GALNT16: variants seen among roughly 807,000 people sequenced by gnomAD.
GALNT16 encodes UDP-GalNAc:polypeptide N-acetylgalactosaminyltransferase-like protein 1.
In GALNT16, 40 loss-of-function variants were observed where a neutral mutation model predicts 76.1. The observed-to-expected ratio is 0.53, with a 90% CI of 0.41 to 0.68. GALNT16 has a LOEUF of 0.68. GALNT16 is among the 30% of genes least tolerant of loss of function. GALNT16 has a pLI of 0.00. For missense variants in GALNT16, 621 were observed against 731.9 expected, an observed-to-expected ratio of 0.85 and a Z score of 1.75; for synonymous variants, 276 against 285.2, an observed-to-expected ratio of 0.97 and a Z score of 0.32.
At chr14:69,286,217 C>T (rs1200254061) in intron 1 of GALNT16, among the ~76,000 whole-genome samples, 1 of 151,834 alleles carries the variant, frequency 6.6e-6, no homozygotes, top group Non-Finnish European at 1.5e-5. Flanking sequence ...GATGAGGGAA[C>T]TTTCTGGAAT....
At chr14:69,260,503 G>T (rs1282496496) in intron 1 of GALNT16, 36 bp downstream of exon 1, 1 of 1,320,138 alleles carries the variant, frequency 7.6e-7, no homozygotes, top group Non-Finnish European at 9.6e-7. Context: ...GCCGGCTAGG[G>T]AGCCGCGGCG....
rs994119634 is a variant in GALNT16, at chr14:69,353,086, C to A, written c.*918C>A. Among the ~76,000 whole-genome samples, 3 of 152,180 alleles carry A rather than the reference C, an allele frequency of 2.0e-5. No individual in the cohort carries two copies. The highest frequency in any genetic ancestry group is 7.2e-5 in the African/African-American group (3 of 41,442). The stretch of plus-strand genomic sequence containing the variant: ...CTGCCGCCAGGACCCACTGAAAGGA[C>A]GGGTAGCCACACACATCCCTGAGTA... On this transcript the variant is annotated 3_prime_UTR_variant, in exon 15 of 15. Coordinates refer to ENST00000448469, the MANE Select transcript of GALNT16 (RefSeq NM_001168368.2).
intron 2 of GALNT16, among the ~76,000 whole-genome samples, chr14:69,322,333 A>T (rs1594849608): frequency 2.0e-5 from 3 of 152,096 alleles, no homozygotes; most frequent in Non-Finnish European, 4.4e-5. Flanking sequence ...CCACTTAGAG[A>T]CCTTTCATGG....
intron 1 of GALNT16, among the ~76,000 whole-genome samples, chr14:69,266,729 T>C (rs557851005): frequency 6.6e-6 from 1 of 152,148 alleles, no homozygotes; most frequent in South Asian, 2.1e-4. Context: ...GAAAAAAGAC[T>C]CTCTGTCATG....
In GALNT16 at chr14:69,338,735, A is replaced by T; in HGVS notation, c.1052A>T (p.His351Leu). The change falls in exon 10 of 15, where the codon CAC (histidine) becomes CTC (leucine). Residue 351 changes from histidine (H) to leucine (L), a missense_variant. His to Leu is a moderately conservative substitution (Grantham distance 99). Coordinates refer to ENST00000448469, the MANE Select transcript of GALNT16 (RefSeq NM_001168368.2). ...SRVGHVFRKR[H>L]PYNFPEGNAL... ...GTGGGCCATGTCTTCAGGAAACGGC[A>T]CCCCTACAACTTCCCTGAGGGTAAT... 1 of 1,613,560 alleles carries T rather than the reference A, an allele frequency of 6.2e-7. No homozygotes were observed.
At chr14:69,375,503 A>G in the GALNT16 span, among the ~76,000 whole-genome samples, 1 of 152,192 alleles carries the variant, frequency 6.6e-6, no homozygotes, top group Non-Finnish European at 1.5e-5. Flanking sequence ...AAGCCTCCAC[A>G]ACAAAAGCCT....
rs12100911 is a variant in GALNT16 at position 69,328,451 on chromosome 14, G to T, written c.570G>T (p.Gly190=). The T allele has an allele frequency of 1.1e-5, 17 of 1,613,914 alleles. No individual in the cohort carries two copies. The highest frequency in any genetic ancestry group is 1.4e-5 in the Non-Finnish European group (16 of 1,179,902). ...VKCLRNDRRE[G]LIRSRVRGAD... is the part of the protein sequence containing the mutation. The stretch of plus-strand genomic sequence containing the variant: ...AAGCCCTATCTACTCCTCTTGTAGG[G>T]CTGATCCGGTCCCGAGTGCGTGGGG... Residue 190 remains glycine, a splice_region_variant and synonymous_variant, in exon 6 of 15, where the codon GGG becomes GGT. Coordinates refer to ENST00000448469, the MANE Select transcript of GALNT16 (RefSeq NM_001168368.2).
the GALNT16 span, among the ~76,000 whole-genome samples, chr14:69,385,760 A>G: frequency 6.6e-6 from 1 of 152,066 alleles, no homozygotes; most frequent in Non-Finnish European, 1.5e-5. Flanking sequence ...CTCTACCACA[A>G]CCGTTCTGGA....
At chr14:69,286,708 A>G (rs995314404) in intron 1 of GALNT16, among the ~76,000 whole-genome samples, 1 of 152,202 alleles carries the variant, frequency 6.6e-6, no homozygotes, top group African/African-American at 2.4e-5. Context: ...CTTCCTTTGA[A>G]GTGCACCAAA....
chr14:69,347,312 C>G, intron 13 of GALNT16, 131 bp downstream of exon 13: 1 of 820,086 alleles, frequency 1.2e-6, no homozygotes, highest in South Asian at 1.9e-5. Flanking sequence ...GCCAGGGGCC[C>G]CTAGACCCTG....
intron 1 of GALNT16, among the ~76,000 whole-genome samples, chr14:69,305,460 G>A (rs962493522): frequency 6.6e-6 from 1 of 152,234 alleles, no homozygotes; most frequent in Admixed American, 6.5e-5. Flanking sequence ...ACTGCGCCTA[G>A]CCCTGACAAG....
chr14:69,263,575 G>A (rs2044303634), intron 1 of GALNT16, among the ~76,000 whole-genome samples: 2 of 152,226 alleles, frequency 1.3e-5, no homozygotes, highest in Non-Finnish European at 2.9e-5. Flanking sequence ...GCTGGGAAAG[G>A]GAGGGTCTGC....
At chr14:69,379,045 C>G in the GALNT16 span, among the ~76,000 whole-genome samples, 1 of 152,078 alleles carries the variant, frequency 6.6e-6, no homozygotes, top group Non-Finnish European at 1.5e-5. Context: ...TCAAGGGATC[C>G]TCCTGCCTCA....
chr14:69,270,260 G>A (rs944461082), intron 1 of GALNT16, among the ~76,000 whole-genome samples: 2 of 152,074 alleles, frequency 1.3e-5, no homozygotes, highest in African/African-American at 2.4e-5. Flanking sequence ...GCTGTTTCTC[G>A]GGCAGGTGGT....
chr14:69,382,728 A>T, the GALNT16 span, among the ~76,000 whole-genome samples: 3 of 150,374 alleles, frequency 2.0e-5, no homozygotes, highest in South Asian at 6.3e-4. Flanking sequence ...AGTCCCAGCT[A>T]CTCGGGAGGC....
At chr14:69,326,946 G>C (rs978619686) in intron 5 of GALNT16, among the ~76,000 whole-genome samples, 1 of 152,160 alleles carries the variant, frequency 6.6e-6, no homozygotes, top group African/African-American at 2.4e-5. Context: ...GAGACCCCAG[G>C]CCTGGTCAGC....
intron 1 of GALNT16, among the ~76,000 whole-genome samples, chr14:69,310,355 C>T (rs2044999868): frequency 6.6e-6 from 1 of 152,036 alleles, no homozygotes; most frequent in Non-Finnish European, 1.5e-5. Flanking sequence ...TCTCCCTTCC[C>T]CCAACACAGC....
chr14:69,359,887 G>A (rs117414736), downstream of GALNT16, among the ~76,000 whole-genome samples: 3,655 of 152,080 alleles, frequency 0.024, 63 homozygotes, highest in Non-Finnish European at 0.038. Context: ...TTATCCAGGC[G>A]GGTGGCACAC....
At chr14:69,380,987 A>G in the GALNT16 span, among the ~76,000 whole-genome samples, 1 of 152,228 alleles carries the variant, frequency 6.6e-6, no homozygotes, top group African/African-American at 2.4e-5. Flanking sequence ...TTAAAAAACA[A>G]CAACAAAAAA....
Sources: allele counts gnomAD v4.1 joint callset (sites outside exome capture counted in the v4.1 genomes callset), GRCh38; gene constraint gnomAD v4.1.1; transcripts MANE v1.5; gene names NCBI Gene and HGNC (gene_info 2026-07-23, HGNC 2026-07-21).